Variants in DIP2A observed in about 807,000 individuals in gnomAD.
DIP2A encodes DIP2 acetate--CoA ligase A.
A neutral mutation model predicts 177.4 loss-of-function variants in DIP2A; 85 were observed. The observed-to-expected ratio is 0.48, with a 90% confidence interval of 0.40 to 0.57. DIP2A has a LOEUF of 0.57. Among genes scored for constraint, DIP2A ranks in the 20% least tolerant of loss-of-function variants. The pLI, the probability that DIP2A is intolerant of heterozygous loss-of-function variation, is 0.00. For synonymous variants in DIP2A, 886 were observed against 881.8 expected (o/e 1.00, Z -0.08); for missense variants, 1,791 against 2,100.2 (o/e 0.85, Z 2.88).
At chr21:46,575,622 T>A in the DIP2A span, among the ~76,000 whole-genome samples, 3 of 152,034 alleles carry the variant, frequency 2.0e-5, no homozygotes, top group East Asian at 3.9e-4. Flanking sequence ...CAATGAACAA[T>A]TCGAAAAGGA....
intron 1 of DIP2A, among the ~76,000 whole-genome samples, chr21:46,476,304 C>T (rs1363600676): frequency 6.6e-6 from 1 of 152,026 alleles, no homozygotes; most frequent in Non-Finnish European, 1.5e-5. Flanking sequence ...ATCTGACTAA[C>T]TGCCGTGTGG....
At chr21:46,463,714 G>T (rs1405441689) in intron 1 of DIP2A, among the ~76,000 whole-genome samples, 1 of 123,302 alleles carries the variant, frequency 8.1e-6, no homozygotes, top group South Asian at 2.5e-4. Context: ...GTGTGTGTGT[G>T]TGTGTATATT....
At chr21:46,533,945 G>A in intron 11 of DIP2A, 59 bp from the exon 12 acceptor site, 1 of 1,434,668 alleles carries the variant, frequency 7.0e-7, no homozygotes, top group Non-Finnish European at 9.7e-7. Flanking sequence ...CAGGCTTCGA[G>A]TGTGGGGAGC....
rs766437064 is a variant in DIP2A at position 46,546,954 on chromosome 21, A to G, written c.2434A>G (p.Met812Val). 2 of 1,613,954 alleles carry G rather than the reference A, an allele frequency of 1.2e-6. No individual in the cohort carries two copies. ...CATCGTGGGCAAACTGGACGGGCTG[A>G]TGGTCACTGGAGTTCGCAGACACAA... is the stretch of plus-strand genomic sequence containing the variant. ...VFIVGKLDGLMVTGVRRHNAD... is the reference protein window; with the variant it reads ...VFIVGKLDGLVVTGVRRHNAD... The change falls in exon 21 of 38, where the codon ATG (methionine) becomes GTG (valine). Residue 812 changes from methionine to valine, a missense_variant. Met to Val is a conservative substitution (Grantham distance 21, BLOSUM62 1). Transcript: ENST00000417564.
At chr21:46,515,997 C>T (rs933318953) in intron 8 of DIP2A, among the ~76,000 whole-genome samples, 42 of 152,230 alleles carry the variant, frequency 2.8e-4, no homozygotes, top group African/African-American at 1.0e-3. Flanking sequence ...TTGCTGGCAA[C>T]TTCATTTTTG....
At chr21:46,565,076 ACT>A (rs937328813) in intron 35 of DIP2A, among the ~76,000 whole-genome samples, 26 of 152,102 alleles carry the variant, frequency 1.7e-4, no homozygotes, top group Middle Eastern at 6.8e-3. Flanking sequence ...TTCTGGACGG[ACT>A]CTCTCTAGAA....
intron 5 of DIP2A, among the ~76,000 whole-genome samples, chr21:46,501,657 A>G (rs1445884935): frequency 6.7e-6 from 1 of 149,978 alleles, no homozygotes; most frequent in African/African-American, 2.4e-5. Context: ...TCCTGGGCTC[A>G]AGTGATCCTC....
intron 20 of DIP2A, 26 bp downstream of exon 20, chr21:46,545,987 C>G: frequency 6.2e-7 from 1 of 1,613,926 alleles, no homozygotes; most frequent in Non-Finnish European, 8.5e-7. Context: ...TGTACCAGCA[C>G]TGGCAGTCAG....
intron 1 of DIP2A, among the ~76,000 whole-genome samples, chr21:46,465,221 A>C (rs909934621): frequency 2.0e-5 from 3 of 151,796 alleles, no homozygotes; most frequent in Non-Finnish European, 4.4e-5. Flanking sequence ...GTTTTCACTT[A>C]TTCAGTAATT....
In DIP2A at chr21:46,556,099, C is replaced by A; in HGVS notation, c.3498+8C>A. The A allele has an allele frequency of 6.2e-7, 1 of 1,609,382 alleles. No homozygotes were observed. On this transcript the variant is annotated splice_region_variant and intron_variant, in intron 29 of 37. Coordinates refer to ENST00000417564, the MANE Select transcript of DIP2A (RefSeq NM_015151.4). The surrounding 1 kb of genome is among the most constrained non-coding windows in gnomAD (Gnocchi z 4.5). ...ATATTAGCGGGAGTGAAGGTAGGTCCTCTGAAATCTTGTTTGCTTCAGCCC... is the reference window on the plus strand; with the variant it reads ...ATATTAGCGGGAGTGAAGGTAGGTCATCTGAAATCTTGTTTGCTTCAGCCC...
At position 46,554,515 on chromosome 21, in the gene DIP2A, C is replaced by T. The variant is rs2060386442; in HGVS notation, c.3155-60C>T. On this transcript the variant is annotated intron_variant, in intron 26 of 37. Coordinates refer to ENST00000417564, the MANE Select transcript of DIP2A (RefSeq NM_015151.4). ...CCTCCTCTCTCGCAGGAACAGTGAACAGAGGCTGGTGGGAGCCTCTTGCGG... is the reference window on the plus strand; with the variant it reads ...CCTCCTCTCTCGCAGGAACAGTGAATAGAGGCTGGTGGGAGCCTCTTGCGG... 3.5e-5 allele frequency: 55 copies of T among 1,591,996 alleles called. No homozygotes were observed. The South Asian group carries it at 6.0e-4, about 17-fold the overall frequency.
chr21:46,550,527 G>A lies in DIP2A; in HGVS notation c.2638-16G>A. ...CAAGTTGGGGGCCTGTGCCAAACAG[G>A]GTCCTTCCCTTTCAGGCCATTGATA... On this transcript the variant is annotated splice_polypyrimidine_tract_variant and intron_variant, in intron 22 of 37. Coordinates refer to ENST00000417564, the MANE Select transcript of DIP2A (RefSeq NM_015151.4). 1 of 1,607,436 alleles carries A rather than the reference G, an allele frequency of 6.2e-7. No individual in the cohort carries two copies. Among genetic ancestry groups the A allele is most frequent in the South Asian group, 1.1e-5 (1 of 89,710 alleles).
chr21:46,507,251 A>G (rs2058060780), intron 6 of DIP2A, among the ~76,000 whole-genome samples: 1 of 152,108 alleles, frequency 6.6e-6, no homozygotes, highest in Non-Finnish European at 1.5e-5. Flanking sequence ...TTTTTTATAT[A>G]TTGTGCTTTT....
At chr21:46,491,243 T>G (rs2056995632) in intron 3 of DIP2A, among the ~76,000 whole-genome samples, 1 of 151,440 alleles carries the variant, frequency 6.6e-6, no homozygotes, top group South Asian at 2.1e-4. Context: ...CATTTTCTAT[T>G]ATAGTTTATA....
Position 46,537,514 on chromosome 21 carries a change from G to A in DIP2A, c.1776G>A (p.Trp592Ter). 6.2e-7 allele frequency: 1 copy of A among 1,614,236 alleles called. No individual in the cohort carries two copies. ...TGATGAAGGCGAACCCACTCTCCTG[G>A]ATCCAGAAAGTGTGCTTCTATAAAG... ...YALMKANPLS[W>*]IQKVCFYKAR... is the part of the protein sequence containing the mutation. Residue 592 changes from tryptophan (W) to a stop codon, truncating the protein, a stop_gained, in exon 15 of 38, where the codon TGG (tryptophan) becomes TGA (stop). Coordinates refer to ENST00000417564, the MANE Select transcript of DIP2A (RefSeq NM_015151.4). LOFTEE classifies it high-confidence loss of function. The surrounding 1 kb of genome is among the most constrained non-coding windows in gnomAD (Gnocchi z 4.1).
intron 8 of DIP2A, among the ~76,000 whole-genome samples, chr21:46,516,714 C>T (rs1025626369): frequency 1.3e-5 from 2 of 151,686 alleles, no homozygotes; most frequent in Admixed American, 1.3e-4. Flanking sequence ...AGGATGGTCT[C>T]GATCTCCTGA....
At chr21:46,492,865 G>A (rs1461428906) in intron 3 of DIP2A, among the ~76,000 whole-genome samples, 3 of 151,952 alleles carry the variant, frequency 2.0e-5, no homozygotes, top group African/African-American at 2.4e-5. Context: ...CGCTTGAACC[G>A]GTAGGTGGAG....
intron 1 of DIP2A, among the ~76,000 whole-genome samples, chr21:46,464,941 TTAA>T (rs897264642): frequency 1.3e-5 from 2 of 151,230 alleles, no homozygotes; most frequent in Non-Finnish European, 2.9e-5. Flanking sequence ...TAAATGGTAC[TTAA>T]TGATGATAAT....
chr21:46,582,135 G>C, the DIP2A span, among the ~76,000 whole-genome samples: 2 of 152,140 alleles, frequency 1.3e-5, no homozygotes, highest in African/African-American at 2.4e-5. Context: ...GTAAACCTCT[G>C]GCTGGAGTTG....
Sources: allele counts gnomAD v4.1 joint callset (sites outside exome capture counted in the v4.1 genomes callset), GRCh38; gene constraint gnomAD v4.1.1; non-coding constraint Gnocchi (gnomAD v3.1); transcripts MANE v1.5; gene names NCBI Gene and HGNC (gene_info 2026-07-23, HGNC 2026-07-21).